The following OPCML variants were observed in gnomAD, a reference collection of about 807,000 sequenced individuals.
OPCML encodes opioid binding protein/cell adhesion molecule like, also known as opioid-binding protein/cell adhesion molecule.
OPCML carries 13 observed loss-of-function variants against 37.8 expected under a neutral mutation model. The observed-to-expected ratio is 0.34, with a 90% CI of 0.22 to 0.55. OPCML has a LOEUF of 0.55. Among genes scored for constraint, OPCML ranks in the 20% least tolerant of loss-of-function variants. OPCML has a pLI of 0.91. For synonymous variants in OPCML, 176 were observed against 168.8 expected, an observed-to-expected ratio of 1.04 and a Z score of -0.33; for missense variants, 341 against 435.6, an observed-to-expected ratio of 0.78 and a Z score of 1.93.
intron 2 of OPCML, among the ~76,000 whole-genome samples, chr11:132,848,553 A>G (rs144169836): frequency 1.2e-4 from 18 of 152,354 alleles, no homozygotes; most frequent in African/African-American, 4.3e-4. Flanking sequence ...AGACATGCTG[A>G]AAGCAGTCCT....
chr11:132,615,210 A>G (rs951518751), intron 3 of OPCML, among the ~76,000 whole-genome samples: 1 of 152,258 alleles, frequency 6.6e-6, no homozygotes, highest in Admixed American at 6.5e-5. Flanking sequence ...GTTATTGCCA[A>G]TAATACAGGA....
intron 4 of OPCML, among the ~76,000 whole-genome samples, chr11:132,462,962 C>G (rs1471494076): frequency 2.6e-5 from 4 of 152,320 alleles, no homozygotes; most frequent in Non-Finnish European, 5.9e-5. Context: ...CATGACCACT[C>G]TGCACCTGCT....
At chr11:132,665,347 A>T (rs914297800) in intron 2 of OPCML, among the ~76,000 whole-genome samples, 20 of 152,324 alleles carry the variant, frequency 1.3e-4, no homozygotes, top group African/African-American at 4.6e-4. Context: ...GACGCAAACA[A>T]GGGGAATCTC....
Position 132,436,623 on chromosome 11 carries a change from T to C in OPCML, c.764+36A>G, listed in dbSNP as rs771918593. 34 of 1,608,888 alleles carry C rather than the reference T, an allele frequency of 2.1e-5. No homozygotes were observed. In the South Asian group the frequency reaches 3.7e-4, roughly 18 times the overall value. ...CCATGTGGGGATAGACCATCAGCTCTGCTTCAGAACTGTCCAGGTGTCATT... is the reference window on the plus strand; with the variant it reads ...CCATGTGGGGATAGACCATCAGCTCCGCTTCAGAACTGTCCAGGTGTCATT... On this transcript the variant is annotated intron_variant, in intron 6 of 7. Transcript: ENST00000524381.
intron 2 of OPCML, among the ~76,000 whole-genome samples, chr11:132,734,237 C>T (rs1320577809): frequency 2.6e-5 from 4 of 152,164 alleles, no homozygotes; most frequent in African/African-American, 9.7e-5. Context: ...CCTTATTCTG[C>T]AGCAATCCCC....
At position 132,420,042 on chromosome 11, in the gene OPCML, A is replaced by C; in HGVS notation, c.*151T>G. On this transcript the variant is annotated 3_prime_UTR_variant, in exon 8 of 8. Coordinates refer to ENST00000524381, the MANE Select transcript of OPCML (RefSeq NM_001012393.5). ...ACTCATTCAAGCTGGAAATAAAAGC[A>C]AACAAACAAATAAACAAAAACAAAA... The C allele has an allele frequency of 2.0e-6, 1 of 489,104 alleles. No individual in the cohort carries two copies. The highest frequency in any genetic ancestry group is 3.6e-6 in the Non-Finnish European group (1 of 278,170). 30.3% of individuals were successfully genotyped at this position (489,104 alleles called of 1,614,324 possible).
At chr11:132,606,622 G>T (rs1199046055) in intron 3 of OPCML, among the ~76,000 whole-genome samples, 1 of 152,168 alleles carries the variant, frequency 6.6e-6, no homozygotes, top group Non-Finnish European at 1.5e-5. Flanking sequence ...GGATCATCCT[G>T]CAAGGACCAG....
At chr11:133,022,903 G>T (rs1002059697) in intron 1 of OPCML, among the ~76,000 whole-genome samples, 5 of 152,334 alleles carry the variant, frequency 3.3e-5, no homozygotes, top group African/African-American at 1.2e-4. Context: ...GAGAGGAAAT[G>T]CTTGGAATCA....
rs192107705 is a variant in OPCML at position 132,657,566 on chromosome 11, C to T, written c.147-247G>A. 5.9e-3 allele frequency: 2,182 copies of T among 372,644 alleles called. 12 individuals carry two copies. Among genetic ancestry groups the T allele is most frequent in the Non-Finnish European group, 7.6e-3 (2,063 of 270,084 alleles). 23.1% of individuals were successfully genotyped at this position (372,644 alleles called of 1,614,324 possible). A position where few individuals can be genotyped will look rare whatever the true frequency, so the allele number is the denominator to read the frequency against. On this transcript the variant is annotated intron_variant, in intron 2 of 7. Coordinates refer to ENST00000524381, the MANE Select transcript of OPCML (RefSeq NM_001012393.5). The stretch of plus-strand genomic sequence containing the variant: ...TTCGAGACATATTATGTATCTTTGC[C>T]ATCCATTTGCTTTCCCTGTTATTTT...
rs1040273838 is a variant in OPCML, at chr11:133,059,662, C to T, written c.62-116652G>A. Among the ~76,000 whole-genome samples the T allele has an allele frequency of 9.2e-5, 14 of 152,218 alleles. No homozygotes were observed. In the South Asian group the frequency reaches 1.2e-3, roughly 14 times the overall value. ...TTGCCTGGTGAGATGGAAGGGTCACCCAGAACACTTCTGCTGCACAACCAA... is the reference window on the plus strand; with the variant it reads ...TTGCCTGGTGAGATGGAAGGGTCACTCAGAACACTTCTGCTGCACAACCAA... On this transcript the variant is annotated intron_variant, in intron 1 of 7. Transcript: ENST00000524381.
At chr11:133,159,827 A>G (rs530749300) in intron 1 of OPCML, among the ~76,000 whole-genome samples, 1 of 152,274 alleles carries the variant, frequency 6.6e-6, no homozygotes, top group South Asian at 2.1e-4. Context: ...CAGCCCACAG[A>G]GCCCCAGGGC....
intron 1 of OPCML, among the ~76,000 whole-genome samples, chr11:133,266,714 C>T (rs1941669534): frequency 6.6e-6 from 1 of 152,196 alleles, no homozygotes; most frequent in African/African-American, 2.4e-5. Flanking sequence ...CATGAACACA[C>T]AGTCCAAGGG....
chr11:133,118,417 A>G (rs1246247191), intron 1 of OPCML: 2 of 985,312 alleles, frequency 2.0e-6, no homozygotes, highest in South Asian at 4.7e-5. Flanking sequence ...CCTTCCTTTC[A>G]TGGAGTTTAC....
At chr11:132,942,797 G>A in intron 2 of OPCML, 129 bp downstream of exon 2, 1 of 1,191,076 alleles carries the variant, frequency 8.4e-7, no homozygotes, top group Non-Finnish European at 1.2e-6. Flanking sequence ...ACGCAAGCGG[G>A]CGCCCCTCGG....
chr11:133,292,011 T>A (rs1942492229), intron 1 of OPCML, among the ~76,000 whole-genome samples: 1 of 152,190 alleles, frequency 6.6e-6, no homozygotes, highest in Admixed American at 6.5e-5. Context: ...ATTAGGCCCG[T>A]CCTGGAGAGC....
chr11:132,487,293 C>T (rs1323397017), intron 4 of OPCML, among the ~76,000 whole-genome samples: 1 of 152,192 alleles, frequency 6.6e-6, no homozygotes, highest in Non-Finnish European at 1.5e-5. Context: ...TCTTCTGTCC[C>T]TTTAGGAATT....
At chr11:132,791,055 C>T (rs540547425) in intron 2 of OPCML, among the ~76,000 whole-genome samples, 4 of 152,296 alleles carry the variant, frequency 2.6e-5, no homozygotes, top group East Asian at 1.9e-4. Context: ...CCCGTCATTT[C>T]GCTGGACTGG....
At chr11:133,121,856 T>A (rs560689605) in intron 1 of OPCML, among the ~76,000 whole-genome samples, 2 of 152,312 alleles carry the variant, frequency 1.3e-5, no homozygotes, top group Admixed American at 1.3e-4. Flanking sequence ...ATTTGACAAG[T>A]GGTTTCAGAA....
intron 1 of OPCML, among the ~76,000 whole-genome samples, chr11:132,960,166 G>A (rs897132329): frequency 2.0e-5 from 3 of 152,170 alleles, no homozygotes; most frequent in African/African-American, 7.2e-5. Context: ...AGCATATCCA[G>A]TTCTAAGGTA....
Sources: gnomAD v4.1 joint callset for allele counts (sites outside exome capture counted in the v4.1 genomes callset) on GRCh38, gnomAD v4.1.1 for gene constraint, MANE v1.5 for transcripts, NCBI Gene and HGNC (gene_info 2026-07-23, HGNC 2026-07-21) for gene names.